KCNIP4: variants seen among roughly 807,000 people sequenced by gnomAD.
KCNIP4 encodes potassium voltage-gated channel interacting protein 4.
KCNIP4 carries 12 observed loss-of-function variants against 34.0 expected under a neutral mutation model. That is an observed-to-expected ratio of 0.35 (90% CI 0.23 to 0.57). The LOEUF (loss-of-function observed/expected upper bound fraction) is 0.57, where lower values mean the gene tolerates loss of function less well. KCNIP4 is among the 20% of genes least tolerant of loss of function. The pLI, the probability that KCNIP4 is intolerant of heterozygous loss-of-function variation, is 0.83. For missense variants in KCNIP4, 238 were observed against 311.7 expected (o/e 0.76, Z 1.78); for synonymous variants, 124 against 102.2 (o/e 1.21, Z -1.29).
At chr4:20,856,137 T>TTGATCCAA (rs1326998970) in intron 2 of KCNIP4, among the ~76,000 whole-genome samples, 1 of 152,236 alleles carries the variant, frequency 6.6e-6, no homozygotes, top group Non-Finnish European at 1.5e-5. Flanking sequence ...TAGACTGCTG[T>TTGATCCAA]TGATCCAATG....
At chr4:21,192,469 G>T (rs997859789) in intron 1 of KCNIP4, among the ~76,000 whole-genome samples, 3 of 152,080 alleles carry the variant, frequency 2.0e-5, no homozygotes, top group African/African-American at 7.2e-5. Context: ...AATATCAAAA[G>T]AGAAAAATTA....
At chr4:21,820,225 T>A (rs10433823) in intron 1 of KCNIP4, among the ~76,000 whole-genome samples, 69,305 of 146,434 alleles carry the variant, frequency 0.47, 17,301 homozygotes, top group East Asian at 0.65. Flanking sequence ...GTATAATAAA[T>A]TATTTTAAAT....
intron 1 of KCNIP4, among the ~76,000 whole-genome samples, chr4:21,441,075 T>C (rs1408958869): frequency 6.6e-6 from 1 of 152,012 alleles, no homozygotes; most frequent in Non-Finnish European, 1.5e-5. Flanking sequence ...ATCTTCTGTA[T>C]CAAATTTAAA....
At chr4:21,385,834 T>C (rs1389758055) in intron 1 of KCNIP4, among the ~76,000 whole-genome samples, 1 of 152,108 alleles carries the variant, frequency 6.6e-6, no homozygotes, top group African/African-American at 2.4e-5. Context: ...TACAAAAGTC[T>C]ATTGGACAAA....
At chr4:21,494,856 G>A in intron 1 of KCNIP4, among the ~76,000 whole-genome samples, 1 of 151,336 alleles carries the variant, frequency 6.6e-6, no homozygotes, top group East Asian at 1.9e-4. Flanking sequence ...GTCTGAATAT[G>A]TCAAAATTAC....
At chr4:21,006,885 G>T (rs527684938) in intron 1 of KCNIP4, among the ~76,000 whole-genome samples, 2 of 152,276 alleles carry the variant, frequency 1.3e-5, no homozygotes, top group East Asian at 3.9e-4. Context: ...TGAACAAGAT[G>T]TAGCACCTGG....
intron 1 of KCNIP4, among the ~76,000 whole-genome samples, chr4:21,112,818 A>G (rs767918825): frequency 2.0e-5 from 3 of 152,134 alleles, no homozygotes; most frequent in Admixed American, 6.5e-5. Flanking sequence ...GGTTGTTTCC[A>G]TACTCATCTG....
intron 3 of KCNIP4, among the ~76,000 whole-genome samples, chr4:20,781,220 T>C (rs1331300944): frequency 6.6e-6 from 1 of 152,214 alleles, no homozygotes; most frequent in Non-Finnish European, 1.5e-5. Flanking sequence ...ACCAAATTAA[T>C]CTGCAAACAC....
At chr4:20,916,582 C>G (rs1728834587) in intron 1 of KCNIP4, among the ~76,000 whole-genome samples, 1 of 152,054 alleles carries the variant, frequency 6.6e-6, no homozygotes, top group Non-Finnish European at 1.5e-5. Context: ...TTAGCATCCA[C>G]TCAAAAAATC....
At chr4:21,871,234 T>G (rs1157373609) in intron 1 of KCNIP4, among the ~76,000 whole-genome samples, 5 of 113,458 alleles carry the variant, frequency 4.4e-5, no homozygotes, top group African/African-American at 1.7e-4. Flanking sequence ...CCTAATGCTA[T>G]CCCTCCCCCC....
At chr4:21,565,665 A>G (rs1301119699) in intron 1 of KCNIP4, among the ~76,000 whole-genome samples, 4 of 152,182 alleles carry the variant, frequency 2.6e-5, no homozygotes, top group Non-Finnish European at 5.9e-5. Context: ...TTACAGATTT[A>G]TAGCTATTCA....
At chr4:21,580,783 C>A (rs1442137532) in intron 1 of KCNIP4, among the ~76,000 whole-genome samples, 1 of 152,046 alleles carries the variant, frequency 6.6e-6, no homozygotes, top group African/African-American at 2.4e-5. Flanking sequence ...CAACAAGTAC[C>A]TTATACAGTG....
intron 1 of KCNIP4, among the ~76,000 whole-genome samples, chr4:21,341,993 G>C (rs1029397960): frequency 1.3e-5 from 2 of 152,100 alleles, no homozygotes; most frequent in African/African-American, 4.8e-5. Context: ...CTTTGTGCTT[G>C]TGTCCCCTCT....
intron 1 of KCNIP4, among the ~76,000 whole-genome samples, chr4:21,104,356 A>C (rs1344119051): frequency 6.6e-6 from 1 of 152,038 alleles, no homozygotes; most frequent in African/African-American, 2.4e-5. Context: ...GATGATGAAC[A>C]TTTTTTCATG....
intron 1 of KCNIP4, among the ~76,000 whole-genome samples, chr4:21,079,972 T>C (rs1745857992): frequency 6.6e-6 from 1 of 151,846 alleles, no homozygotes; most frequent in South Asian, 2.1e-4. Flanking sequence ...GATTTTAGCT[T>C]AGTGAAACCC....
chr4:20,818,771 G>T (rs934234103), intron 3 of KCNIP4, among the ~76,000 whole-genome samples: 1 of 151,990 alleles, frequency 6.6e-6, no homozygotes, highest in Non-Finnish European at 1.5e-5. Flanking sequence ...TTCAAAATAA[G>T]ATTCAGAATT....
intron 1 of KCNIP4, among the ~76,000 whole-genome samples, chr4:21,792,070 T>G (rs16867651): frequency 0.11 from 16,279 of 149,602 alleles, 2,707 homozygotes; most frequent in African/African-American, 0.36. Flanking sequence ...CTCTCTCTGT[T>G]TTTTTGAGAC....
At chr4:21,794,356 CAG>C (rs1720494760) in intron 1 of KCNIP4, among the ~76,000 whole-genome samples, 1 of 152,144 alleles carries the variant, frequency 6.6e-6, no homozygotes, top group African/African-American at 2.4e-5. Context: ...TCTATCCTGT[CAG>C]GGGCCACTTA....
intron 1 of KCNIP4, among the ~76,000 whole-genome samples, chr4:21,352,242 C>G (rs1445997327): frequency 6.6e-6 from 1 of 152,208 alleles, no homozygotes; most frequent in Non-Finnish European, 1.5e-5. Flanking sequence ...GCATTTCCAA[C>G]TAAGGTACCT....
Sources: allele counts gnomAD v4.1 joint callset (sites outside exome capture counted in the v4.1 genomes callset), GRCh38; gene constraint gnomAD v4.1.1; transcripts MANE v1.5; gene names NCBI Gene and HGNC (gene_info 2026-07-23, HGNC 2026-07-21).